Variants in CPNE8 observed in about 807,000 individuals in gnomAD.
The protein encoded by CPNE8 is copine 8.
In CPNE8, 45 loss-of-function variants were observed where a neutral mutation model predicts 81.5. The ratio of observed to expected loss-of-function variants is 0.55; its 90% CI spans 0.44 to 0.71. The LOEUF is 0.71. Among genes scored for constraint, CPNE8 ranks in the 30% least tolerant of loss-of-function variants. The probability of loss-of-function intolerance (pLI) is 0.00; values close to 1 mark genes in which losing one functional copy is unlikely to be tolerated. For missense variants in CPNE8, 594 were observed against 672.1 expected, an observed-to-expected ratio of 0.88 and a Z score of 1.28; for synonymous variants, 252 against 226.3, an observed-to-expected ratio of 1.11 and a Z score of -1.02.
Position 38,807,445 on chromosome 12 carries a change from C to T in CPNE8, c.407+21934G>A, listed in dbSNP as rs574328002. 4.6e-5 allele frequency among the ~76,000 whole-genome samples: 7 copies of T among 152,066 alleles called. No homozygotes were observed. In the East Asian group the frequency reaches 1.4e-3, roughly 29 times the overall value. On this transcript the variant is annotated intron_variant, in intron 6 of 19. Transcript: ENST00000331366. ...CAGAACAGAGCCCTCAGAAATAACA[C>T]TGCATGTCTACAACTATCTGATCTT...
chr12:38,799,136 TCAA>T (rs1468072481), intron 6 of CPNE8, among the ~76,000 whole-genome samples: 1 of 152,092 alleles, frequency 6.6e-6, no homozygotes, highest in African/African-American at 2.4e-5. Context: ...ATTAGACAGA[TCAA>T]CGAGACAGAA....
intron 13 of CPNE8, among the ~76,000 whole-genome samples, chr12:38,709,592 G>T (rs1940197402): frequency 6.6e-6 from 1 of 152,172 alleles, no homozygotes; most frequent in Non-Finnish European, 1.5e-5. Context: ...CTGTCCTTTA[G>T]AAGGCCCATT....
intron 13 of CPNE8, among the ~76,000 whole-genome samples, chr12:38,716,172 A>G (rs772537758): frequency 1.1e-4 from 16 of 152,166 alleles, no homozygotes; most frequent in Non-Finnish European, 4.4e-5. Flanking sequence ...ATGGAAACAC[A>G]TCCCATGCTC....
At chr12:38,726,686 A>G (rs1438036069) in intron 11 of CPNE8, 1 of 152,232 alleles carries the variant, frequency 6.6e-6, no homozygotes, top group Non-Finnish European at 1.5e-5. Flanking sequence ...TCGAAAAACC[A>G]TATTTCAGCA....
chr12:38,661,077 A>G (rs1938941421), intron 19 of CPNE8, among the ~76,000 whole-genome samples: 2 of 152,212 alleles, frequency 1.3e-5, no homozygotes, highest in South Asian at 4.1e-4. Flanking sequence ...AGAACTAGAA[A>G]TACCATTTGA....
intron 7 of CPNE8, 86 bp downstream of exon 7, chr12:38,776,152 C>T: frequency 3.3e-6 from 2 of 603,238 alleles, no homozygotes; most frequent in Non-Finnish European, 5.4e-6. Context: ...GCTACAATTA[C>T]TTAAAAATTA....
intron 10 of CPNE8, among the ~76,000 whole-genome samples, chr12:38,741,312 T>C (rs1000279974): frequency 9.2e-5 from 14 of 152,256 alleles, no homozygotes; most frequent in African/African-American, 3.4e-4. Context: ...CAAAACAGCA[T>C]GGTATTGGTA....
At chr12:38,685,755 A>C (rs1484449310) in intron 15 of CPNE8, 138 bp from the exon 16 acceptor site, 1 of 743,410 alleles carries the variant, frequency 1.3e-6, no homozygotes, top group Non-Finnish European at 2.1e-6. Context: ...AATTTACAAT[A>C]GCAAAAAAAT....
At chr12:38,679,870 T>C (rs966214086) in intron 16 of CPNE8, among the ~76,000 whole-genome samples, 1 of 151,724 alleles carries the variant, frequency 6.6e-6, no homozygotes, top group African/African-American at 2.4e-5. Context: ...AAGTAAAAAT[T>C]ATAAGCTGGC....
At chr12:38,874,900 C>CAAAAT (rs1018997836) in intron 1 of CPNE8, among the ~76,000 whole-genome samples, 29 of 152,224 alleles carry the variant, frequency 1.9e-4, no homozygotes, top group African/African-American at 6.7e-4. Flanking sequence ...GTTATTAATG[C>CAAAAT]AAAATTGTTT....
At chr12:38,831,910 A>G (rs1592126181) in intron 5 of CPNE8, among the ~76,000 whole-genome samples, 1 of 152,226 alleles carries the variant, frequency 6.6e-6, no homozygotes, top group East Asian at 1.9e-4. Flanking sequence ...GGACTTTGCC[A>G]ATGGAGTAGC....
chr12:38,753,123 A>C (rs1269814548), intron 10 of CPNE8, among the ~76,000 whole-genome samples: 1 of 152,198 alleles, frequency 6.6e-6, no homozygotes, highest in Non-Finnish European at 1.5e-5. Context: ...AAGGGGATAT[A>C]AGTATTGATG....
chr12:38,827,811 G>T (rs1044900515), intron 6 of CPNE8, among the ~76,000 whole-genome samples: 2 of 152,126 alleles, frequency 1.3e-5, no homozygotes, highest in Admixed American at 6.5e-5. Context: ...AGACACTGGA[G>T]CCTACTTGAG....
At position 38,718,595 on chromosome 12, in the gene CPNE8, A is replaced by C. The variant is rs369966775; in HGVS notation, c.914+5177T>G. Among the ~76,000 whole-genome samples the C allele has an allele frequency of 2.0e-5, 3 of 152,180 alleles. No individual in the cohort carries two copies. The South Asian group carries it at 6.2e-4, about 32-fold the overall frequency. The stretch of plus-strand genomic sequence containing the variant: ...GTAAACATCCTGCACAGATTTGGGG[A>C]ATATAAATTCTTAGAGTATTTTAGC... On this transcript the variant is annotated intron_variant, in intron 13 of 19. Coordinates refer to ENST00000331366, the MANE Select transcript of CPNE8 (RefSeq NM_153634.3).
chr12:38,767,506 C>A, intron 8 of CPNE8, 129 bp downstream of exon 8: 2 of 543,446 alleles, frequency 3.7e-6, no homozygotes. Context: ...ATGCAAAAAT[C>A]ATATCAATTT....
Position 38,676,185 on chromosome 12 carries a change from A to G in CPNE8, c.1375-411T>C, listed in dbSNP as rs1477614819. ...AAATATAACCAGAGTTTTATTTAAT[A>G]TTTTTTCACAGATGTTCATTAAAAT... is the stretch of plus-strand genomic sequence containing the variant. On this transcript the variant is annotated intron_variant, in intron 17 of 19. Transcript: ENST00000331366. 6.8e-6 allele frequency: 4 copies of G among 589,380 alleles called. No homozygotes were observed. The African/African-American group carries it at 8.1e-5, about 12-fold the overall frequency. The allele number at this position is 589,380 out of a possible 1,614,324, so 36.5% of individuals were successfully genotyped here.
intron 4 of CPNE8, among the ~76,000 whole-genome samples, chr12:38,842,662 G>A (rs932483541): frequency 1.5e-5 from 2 of 130,864 alleles, no homozygotes; most frequent in Non-Finnish European, 3.1e-5. Context: ...AGCAACCTCC[G>A]CCTCCCCGGT....
intron 3 of CPNE8, among the ~76,000 whole-genome samples, chr12:38,860,830 G>T (rs1943819959): frequency 6.6e-6 from 1 of 152,130 alleles, no homozygotes; most frequent in South Asian, 2.1e-4. Context: ...AAGAATGTCT[G>T]TCCGGGGTTG....
chr12:38,855,865 G>A (rs1943723748), intron 3 of CPNE8, among the ~76,000 whole-genome samples: 1 of 151,758 alleles, frequency 6.6e-6, no homozygotes, highest in African/African-American at 2.4e-5. Flanking sequence ...TCAATTAAAA[G>A]TTAAAACAAA....
Sources: allele counts gnomAD v4.1 joint callset (sites outside exome capture counted in the v4.1 genomes callset), GRCh38; gene constraint gnomAD v4.1.1; transcripts MANE v1.5; gene names NCBI Gene and HGNC (gene_info 2026-07-23, HGNC 2026-07-21).